The following GALNT13 variants were observed in gnomAD, a reference collection of about 807,000 sequenced individuals.
GALNT13 encodes UDP-GalNAc:polypeptide N-acetylgalactosaminyltransferase 13.
A neutral mutation model predicts 64.2 loss-of-function variants in GALNT13; 28 were observed. The ratio of observed to expected loss-of-function variants is 0.44; its 90% CI spans 0.32 to 0.60. GALNT13 has a LOEUF of 0.60. GALNT13 is among the 20% of genes least tolerant of loss of function. GALNT13 has a pLI of 0.05. For missense variants in GALNT13, 577 were observed against 669.8 expected (o/e 0.86, Z 1.53); for synonymous variants, 214 against 224.6 (o/e 0.95, Z 0.42).
chr2:154,444,751 A>G (rs530348978), intron 12 of GALNT13, among the ~76,000 whole-genome samples: 5 of 152,234 alleles, frequency 3.3e-5, no homozygotes, highest in African/African-American at 9.6e-5. Flanking sequence ...ATATCAATAT[A>G]TTGATCAAAT....
intron 7 of GALNT13, among the ~76,000 whole-genome samples, chr2:154,249,844 A>G (rs1184555207): frequency 6.6e-6 from 1 of 152,084 alleles, no homozygotes; most frequent in East Asian, 1.9e-4. Flanking sequence ...ATTGACATTC[A>G]GTTGATTTCA....
At chr2:154,070,101 T>C (rs1233586877) in intron 3 of GALNT13, among the ~76,000 whole-genome samples, 1 of 152,152 alleles carries the variant, frequency 6.6e-6, no homozygotes, top group Non-Finnish European at 1.5e-5. Context: ...ATCCTACTGA[T>C]GGTTGATATG....
At chr2:154,222,030 G>A (rs1688352699) in intron 4 of GALNT13, among the ~76,000 whole-genome samples, 1 of 152,012 alleles carries the variant, frequency 6.6e-6, no homozygotes, top group Non-Finnish European at 1.5e-5. Context: ...AAAATGCTAT[G>A]GGTGGGTGCA....
chr2:153,099,048 G>A, the GALNT13 span, among the ~76,000 whole-genome samples: 1 of 152,196 alleles, frequency 6.6e-6, no homozygotes, highest in South Asian at 2.1e-4. Flanking sequence ...TTGAGGCAGA[G>A]GTTGCAGTGA....
chr2:153,192,315 T>C, the GALNT13 span, among the ~76,000 whole-genome samples: 1 of 152,128 alleles, frequency 6.6e-6, no homozygotes, highest in African/African-American at 2.4e-5. Flanking sequence ...CGGGAGTATG[T>C]TGCTTAATTT....
At chr2:154,110,885 C>T (rs1374390012) in intron 3 of GALNT13, among the ~76,000 whole-genome samples, 1 of 152,108 alleles carries the variant, frequency 6.6e-6, no homozygotes, top group Non-Finnish European at 1.5e-5. Context: ...CATAATTACT[C>T]CTAACATAAT....
rs541407664 is a variant in GALNT13 at position 154,061,304 on chromosome 2, G to A, written c.143-79033G>A. ...GCTCAGTAATTGCAATGCGTTGGCT[G>A]TAAATACCAAGTCTAGTGTGGGGAT... On this transcript the variant is annotated intron_variant, in intron 3 of 12. Coordinates refer to ENST00000392825, the MANE Select transcript of GALNT13 (RefSeq NM_052917.4). 3.9e-5 allele frequency among the ~76,000 whole-genome samples: 6 copies of A among 152,260 alleles called. No individual in the cohort carries two copies. The South Asian group carries it at 1.2e-3, about 32-fold the overall frequency.
In GALNT13 at chr2:154,442,193, G is replaced by A. The variant is rs1193899029; in HGVS notation, c.1530+3467G>A. Among the ~76,000 whole-genome samples, 10 of 151,840 alleles carry A rather than the reference G, an allele frequency of 6.6e-5. No homozygotes were observed. The East Asian group carries it at 1.9e-3, about 29-fold the overall frequency. On this transcript the variant is annotated intron_variant, in intron 12 of 12. Transcript: ENST00000392825. Reference sequence around the variant, plus strand: ...GGGAAAGGTGTTCTACAATAAATATGGTCCATTTAGCTAAATAAGCAGTCA... The same window carrying A: ...GGGAAAGGTGTTCTACAATAAATATAGTCCATTTAGCTAAATAAGCAGTCA...
the GALNT13 span, among the ~76,000 whole-genome samples, chr2:153,248,154 T>C: frequency 6.6e-6 from 1 of 152,302 alleles, no homozygotes; most frequent in African/African-American, 2.4e-5. Context: ...CTGGTACCAT[T>C]CCTTCTGAAA....
At chr2:153,212,264 G>A in the GALNT13 span, among the ~76,000 whole-genome samples, 5 of 152,238 alleles carry the variant, frequency 3.3e-5, no homozygotes, top group African/African-American at 1.2e-4. Context: ...AATCTAGAAA[G>A]GAGAAGATGA....
chr2:154,331,855 A>C (rs944760798), intron 9 of GALNT13, among the ~76,000 whole-genome samples: 6 of 151,998 alleles, frequency 3.9e-5, no homozygotes, highest in African/African-American at 1.2e-4. Flanking sequence ...ACTTCTTGCT[A>C]CAGAAATAGA....
At chr2:154,332,438 A>C (rs1223290476) in intron 9 of GALNT13, among the ~76,000 whole-genome samples, 2 of 152,114 alleles carry the variant, frequency 1.3e-5, no homozygotes, top group African/African-American at 4.8e-5. Flanking sequence ...AAAAAAATTG[A>C]GTATCTAACC....
the GALNT13 span, among the ~76,000 whole-genome samples, chr2:153,461,399 G>A: frequency 2.0e-5 from 3 of 152,214 alleles, no homozygotes; most frequent in East Asian, 3.9e-4. Flanking sequence ...AATTAAGTAA[G>A]CAAGAAAGAT....
At chr2:153,081,764 C>T in the GALNT13 span, among the ~76,000 whole-genome samples, 3 of 152,118 alleles carry the variant, frequency 2.0e-5, no homozygotes, top group Non-Finnish European at 2.9e-5. Flanking sequence ...TTAATCCATT[C>T]ATCTGTTGAT....
intron 4 of GALNT13, among the ~76,000 whole-genome samples, chr2:154,156,563 T>G (rs1684434661): frequency 6.6e-6 from 1 of 152,162 alleles, no homozygotes; most frequent in Admixed American, 6.6e-5. Context: ...CCCAGTGAAG[T>G]ATATCATATG....
chr2:153,845,378 C>T, the GALNT13 span, among the ~76,000 whole-genome samples: 2 of 152,146 alleles, frequency 1.3e-5, no homozygotes, highest in Non-Finnish European at 2.9e-5. Flanking sequence ...AGGCACATCA[C>T]ATGGTAAAAG....
At chr2:153,456,392 A>C in the GALNT13 span, among the ~76,000 whole-genome samples, 1 of 152,176 alleles carries the variant, frequency 6.6e-6, no homozygotes, top group Non-Finnish European at 1.5e-5. Flanking sequence ...GATTTGATCT[A>C]TCCTCCAAAG....
intron 3 of GALNT13, among the ~76,000 whole-genome samples, chr2:154,042,535 A>G (rs1699036485): frequency 7.2e-6 from 1 of 139,012 alleles, no homozygotes; most frequent in Non-Finnish European, 1.6e-5. Flanking sequence ...GCAGCCTTCC[A>G]GACAATATCA....
chr2:153,892,895 A>C (rs1341119616), intron 1 of GALNT13, among the ~76,000 whole-genome samples: 2 of 152,060 alleles, frequency 1.3e-5, no homozygotes, highest in Non-Finnish European at 2.9e-5. Context: ...TTTATCTGCA[A>C]ATTCTTAGAT....
Sources: gnomAD v4.1 joint callset for allele counts (sites outside exome capture counted in the v4.1 genomes callset) on GRCh38, gnomAD v4.1.1 for gene constraint, MANE v1.5 for transcripts, NCBI Gene and HGNC (gene_info 2026-07-23, HGNC 2026-07-21) for gene names.